MYO3A: variants seen among roughly 807,000 people sequenced by gnomAD.
MYO3A encodes myosin IIIA.
A neutral mutation model predicts 192.7 loss-of-function variants in MYO3A; 180 were observed. That is an observed-to-expected ratio of 0.93 (90% CI 0.83 to 1.06). The LOEUF (loss-of-function observed/expected upper bound fraction) is 1.06. Ranked by LOEUF, MYO3A falls within the 50% of genes least tolerant of loss-of-function variation. The pLI, the probability that MYO3A is intolerant of heterozygous loss-of-function variation, is 0.00. For synonymous variants in MYO3A, 628 were observed against 645.3 expected (o/e 0.97, Z 0.41); for missense variants, 1,896 against 1,905.0 (o/e 1.00, Z 0.09).
intron 4 of MYO3A, among the ~76,000 whole-genome samples, chr10:25,973,929 C>T (rs1158573902): frequency 6.6e-6 from 1 of 152,140 alleles, no homozygotes; most frequent in Non-Finnish European, 1.5e-5. Flanking sequence ...ACACCTTATA[C>T]AGAAATTAAT....
chr10:26,138,123 G>A (rs1839956296), intron 20 of MYO3A, among the ~76,000 whole-genome samples: 1 of 152,180 alleles, frequency 6.6e-6, no homozygotes, highest in Non-Finnish European at 1.5e-5. Context: ...CCTACTCCCT[G>A]TTCTTGCACT....
At chr10:26,140,074 G>A (rs1028398483) in intron 20 of MYO3A, among the ~76,000 whole-genome samples, 2 of 152,192 alleles carry the variant, frequency 1.3e-5, no homozygotes, top group African/African-American at 2.4e-5. Flanking sequence ...TTAGGAAGAT[G>A]AAGGAAGGTC....
chr10:25,994,618 A>G (rs1025818216), intron 4 of MYO3A, among the ~76,000 whole-genome samples: 7 of 152,144 alleles, frequency 4.6e-5, no homozygotes, highest in African/African-American at 1.7e-4. Context: ...TGGTCTTTAC[A>G]ACTTGGCATG....
intron 27 of MYO3A, chr10:26,166,389 A>G (rs1005578732): frequency 3.4e-6 from 2 of 595,118 alleles, no homozygotes; most frequent in Non-Finnish European, 5.8e-6. Flanking sequence ...TTTAAGAAAT[A>G]CAAAAGGCTG....
chr10:25,937,100 C>T (rs921227912), intron 2 of MYO3A, among the ~76,000 whole-genome samples: 1 of 151,948 alleles, frequency 6.6e-6, no homozygotes, highest in Non-Finnish European at 1.5e-5. Flanking sequence ...ATTTACTTAC[C>T]GGTATTTTCA....
At chr10:26,183,448 G>A (rs536227328) in intron 31 of MYO3A, among the ~76,000 whole-genome samples, 46 of 152,232 alleles carry the variant, frequency 3.0e-4, no homozygotes, top group African/African-American at 7.5e-4. Context: ...GTGTGAACCC[G>A]GGAGGCGGAG....
chr10:26,082,572 G>A (rs1033384866), intron 14 of MYO3A, among the ~76,000 whole-genome samples: 1 of 152,136 alleles, frequency 6.6e-6, no homozygotes, highest in Non-Finnish European at 1.5e-5. Flanking sequence ...AGATACACTT[G>A]TGGTTGCCAG....
intron 17 of MYO3A, among the ~76,000 whole-genome samples, chr10:26,117,249 A>C (rs2131678661): frequency 6.6e-6 from 1 of 152,272 alleles, no homozygotes; most frequent in East Asian, 1.9e-4. Flanking sequence ...CATTTTATAT[A>C]CTTCCAAGTT....
At chr10:26,161,154 T>C (rs1044386276) in intron 26 of MYO3A, among the ~76,000 whole-genome samples, 1 of 152,204 alleles carries the variant, frequency 6.6e-6, no homozygotes, top group African/African-American at 2.4e-5. Flanking sequence ...GTCACTAATT[T>C]GGAAGTTGTC....
At chr10:26,070,580 T>A (rs138084657) in intron 14 of MYO3A, among the ~76,000 whole-genome samples, 179 bp downstream of exon 14, 250 of 152,208 alleles carry the variant, frequency 1.6e-3, no homozygotes, top group African/African-American at 5.9e-3. Context: ...GCATGTACTC[T>A]GTTTTGAGGA....
At chr10:26,085,377 A>G in intron 14 of MYO3A, among the ~76,000 whole-genome samples, 1 of 151,696 alleles carries the variant, frequency 6.6e-6, no homozygotes, top group East Asian at 1.9e-4. Flanking sequence ...TTCTTTTTTA[A>G]TGTAGGAATT....
chr10:26,083,073 A>G (rs2131474986), intron 14 of MYO3A, among the ~76,000 whole-genome samples: 1 of 152,250 alleles, frequency 6.6e-6, no homozygotes, highest in East Asian at 1.9e-4. Flanking sequence ...TGAAGTCAAG[A>G]ACTTTCATCT....
At chr10:26,205,550 G>A (rs979152582) in intron 34 of MYO3A, among the ~76,000 whole-genome samples, 1 of 144,298 alleles carries the variant, frequency 6.9e-6, no homozygotes, top group Non-Finnish European at 1.5e-5. Flanking sequence ...CTTTCACTTA[G>A]CATTCTGTCC....
At chr10:26,007,318 G>A (rs1214930482) in intron 6 of MYO3A, among the ~76,000 whole-genome samples, 1 of 150,670 alleles carries the variant, frequency 6.6e-6, no homozygotes, top group African/African-American at 2.5e-5. Flanking sequence ...TTGAAAACCG[G>A]CACAAGACAG....
rs1423171056 is a variant in MYO3A, at chr10:26,096,479, G to A, written c.1661G>A (p.Arg554Lys). The A allele has an allele frequency of 1.2e-6, 2 of 1,611,496 alleles. No homozygotes were observed. The highest frequency in any genetic ancestry group is 1.7e-5 in the Admixed American group (1 of 59,954). The change falls in exon 16 of 35, where the codon AGG becomes AAG. Residue 554 changes from arginine to lysine, a missense_variant and splice_region_variant. Physicochemically the swap from Arg to Lys is conservative, Grantham distance 26. Coordinates refer to ENST00000642920, the MANE Select transcript of MYO3A (RefSeq NM_017433.5). The part of the protein sequence containing the change: ...HYKLPENKPP[R>K]YLQNDHLRTV... ...AAACTGCCTGAAAATAAGCCTCCCA[G>A]GTAATCTACCAGGTTGAGCTTTCAT... is the stretch of plus-strand genomic sequence containing the variant.
chr10:26,113,722 A>G (rs1385017321), intron 17 of MYO3A, among the ~76,000 whole-genome samples: 1 of 152,172 alleles, frequency 6.6e-6, no homozygotes, highest in Non-Finnish European at 1.5e-5. Flanking sequence ...CTAGGGAGTC[A>G]AGATCCCTAG....
At chr10:25,941,902 C>A (rs11014873) in intron 2 of MYO3A, among the ~76,000 whole-genome samples, 12,396 of 152,150 alleles carry the variant, frequency 0.081, 654 homozygotes, top group African/African-American at 0.14. Flanking sequence ...AACGTCTTCT[C>A]GGCTCATCCC....
At chr10:26,128,065 A>C (rs1294299966) in intron 19 of MYO3A, among the ~76,000 whole-genome samples, 1 of 152,024 alleles carries the variant, frequency 6.6e-6, no homozygotes, top group Non-Finnish European at 1.5e-5. Flanking sequence ...TTGCTTCCCA[A>C]GTTGTTCTTG....
At chr10:26,143,401 A>G (rs1247248291) in intron 20 of MYO3A, 47 bp from the exon 21 acceptor site, 2 of 1,552,592 alleles carry the variant, frequency 1.3e-6, no homozygotes, top group East Asian at 4.5e-5. Flanking sequence ...AATTACTATG[A>G]AGCTATATAT....
Sources: allele counts gnomAD v4.1 joint callset (sites outside exome capture counted in the v4.1 genomes callset), GRCh38; gene constraint gnomAD v4.1.1; transcripts MANE v1.5; gene names NCBI Gene and HGNC (gene_info 2026-07-23, HGNC 2026-07-21).